The following MTOR variants were observed in gnomAD, a reference collection of about 807,000 sequenced individuals.
The protein encoded by MTOR is serine/threonine-protein kinase mTOR.
Under a neutral mutation model 319.8 loss-of-function variants are expected in MTOR, and 70 were observed. That is an observed-to-expected ratio of 0.22 (90% CI 0.18 to 0.27). The LOEUF (loss-of-function observed/expected upper bound fraction) is 0.27. Ranked by LOEUF, MTOR falls within the 10% of genes least tolerant of loss-of-function variation. The pLI is 1.00. For synonymous variants in MTOR, 1,183 were observed against 1,211.4 expected (o/e 0.98, Z 0.49); for missense variants, 1,890 against 3,274.4 (o/e 0.58, Z 10.32).
At chr1:11,172,998 CT>C (rs540976160) in intron 28 of MTOR, among the ~76,000 whole-genome samples, 242 of 144,418 alleles carry the variant, frequency 1.7e-3, no homozygotes, top group Middle Eastern at 3.5e-3. Flanking sequence ...ACTCTCTTTT[CT>C]TTTTTTTTTT....
intron 19 of MTOR, among the ~76,000 whole-genome samples, chr1:11,225,481 G>A (rs1646803168): frequency 6.7e-6 from 1 of 150,204 alleles, no homozygotes; most frequent in African/African-American, 2.5e-5. Context: ...GAGTGCAATG[G>A]CACAATCTCA....
intron 54 of MTOR, among the ~76,000 whole-genome samples, chr1:11,110,477 A>G (rs1641805258): frequency 6.6e-6 from 1 of 151,490 alleles, no homozygotes; most frequent in Non-Finnish European, 1.5e-5. Flanking sequence ...ATATCGGCTC[A>G]CTGCAACCTC....
In MTOR at chr1:11,204,655, G is replaced by C; in HGVS notation, c.3850C>G (p.Leu1284Val). 6.2e-7 allele frequency: 1 copy of C among 1,614,146 alleles called. No homozygotes were observed. Among genetic ancestry groups the C allele is most frequent in the South Asian group, 1.1e-5 (1 of 91,088 alleles). The change falls in exon 26 of 58, where the codon CTG (leucine) becomes GTG (valine). Residue 1284 changes from leucine to valine, a missense_variant. Leu to Val is a conservative substitution (Grantham distance 32). Coordinates refer to ENST00000361445, the MANE Select transcript of MTOR (RefSeq NM_004958.4). The stretch of plus-strand genomic sequence containing the variant: ...AGCAGCTCCAGGCTCAGCCGTCTCA[G>C]CCATTCCAGCCAGTCATCTTTGGAG... ...RVSKDDWLEWLRRLSLELLKD... is the reference protein window; with the variant it reads ...RVSKDDWLEWVRRLSLELLKD...
chr1:11,159,120 C>T (rs1441866511), intron 29 of MTOR, among the ~76,000 whole-genome samples: 3 of 152,166 alleles, frequency 2.0e-5, no homozygotes, highest in Non-Finnish European at 2.9e-5. Flanking sequence ...TGGCAGATCA[C>T]CTGAATACCA....
At chr1:11,216,076 G>T in intron 20 of MTOR, 72 bp downstream of exon 20, 1 of 1,078,324 alleles carries the variant, frequency 9.3e-7, no homozygotes, top group Non-Finnish European at 1.4e-6. Context: ...AAAAGTCTAT[G>T]TCATTCAAAC....
rs1289893491 is a variant in MTOR, at chr1:11,209,401, T to A, written c.3712A>T (p.Arg1238Trp). 1 of 1,614,076 alleles carries A rather than the reference T, an allele frequency of 6.2e-7. No homozygotes were observed. Among genetic ancestry groups the A allele is most frequent in the African/African-American group, 1.3e-5 (1 of 74,916 alleles). The change falls in exon 25 of 58, where the codon AGG becomes TGG. Residue 1238 changes from arginine (R) to tryptophan (W), a missense_variant. Around this residue, in one of 15 missense-constraint regions of MTOR, gnomAD observed 115 missense variants for 105.7 expected, o/e 1.09. Transcript: ENST00000361445. ...GCCAATGCATCCCCTTGGCCACTCC[T>A]AAGCATCCGATGCTGGTAAATCAAA... is the stretch of plus-strand genomic sequence containing the variant. The part of the protein sequence containing the change: ...DPLIYQHRML[R>W]SGQGDALASG...
chr1:11,115,573 C>T lies in MTOR; in HGVS notation c.7017-105G>A. ...AGCTAGGAGTTGGCAAACGATAGCC[C>T]TCAGCCAATCCAGCCCCTCCACCTC... On this transcript the variant is annotated intron_variant, in intron 50 of 57. Coordinates refer to ENST00000361445, the MANE Select transcript of MTOR (RefSeq NM_004958.4). The surrounding 1 kb of genome is among the most constrained non-coding windows in gnomAD (Gnocchi z 4.5). The T allele has an allele frequency of 9.7e-7, 1 of 1,032,200 alleles. No homozygotes were observed. The highest frequency in any genetic ancestry group is 1.5e-6 in the Non-Finnish European group (1 of 664,706). The allele number at this position is 1,032,200 out of a possible 1,614,324, so 63.9% of individuals were successfully genotyped here. A position where few individuals can be genotyped will look rare whatever the true frequency, so the allele number is the denominator to read the frequency against.
At chr1:11,169,937 T>A (rs1264730387) in intron 28 of MTOR, among the ~76,000 whole-genome samples, 1 of 152,188 alleles carries the variant, frequency 6.6e-6, no homozygotes, top group African/African-American at 2.4e-5. Context: ...CGGTGGAGAC[T>A]TAAGTTAGGA....
intron 10 of MTOR, 48 bp downstream of exon 10, chr1:11,241,505 G>T: frequency 6.4e-7 from 1 of 1,569,312 alleles, no homozygotes; most frequent in Non-Finnish European, 8.7e-7. Context: ...AACACTGGGG[G>T]CCAAGCCTCA....
chr1:11,174,120 G>A (rs896416883), intron 28 of MTOR, among the ~76,000 whole-genome samples: 3 of 152,214 alleles, frequency 2.0e-5, no homozygotes, highest in Non-Finnish European at 4.4e-5. Flanking sequence ...ATGTTACCAC[G>A]GAAAAGTATC....
At chr1:11,117,701 A>G (rs568974433) in intron 49 of MTOR, among the ~76,000 whole-genome samples, 2 of 152,342 alleles carry the variant, frequency 1.3e-5, no homozygotes, top group Non-Finnish European at 2.9e-5. Context: ...AGGGACTTGT[A>G]TTAACACCAT....
intron 36 of MTOR, 65 bp from the exon 37 acceptor site, chr1:11,134,531 A>C: frequency 7.2e-7 from 1 of 1,381,678 alleles, no homozygotes; most frequent in Non-Finnish European, 1.0e-6. Context: ...GAAGGGAGCT[A>C]CCGTTCATCT....
rs2100419207 is a variant in MTOR at position 11,128,887 on chromosome 1, C to T, written c.5779G>A (p.Val1927Met). The T allele has an allele frequency of 1.2e-6, 2 of 1,613,912 alleles. No individual in the cohort carries two copies. Among genetic ancestry groups the T allele is most frequent in the Non-Finnish European group, 1.7e-6 (2 of 1,179,896 alleles). Residue 1927 changes from valine to methionine, a missense_variant, in exon 41 of 58, where the codon GTG (valine) becomes ATG (methionine). Transcript: ENST00000361445. This position sits in a 1 kb window ranked among gnomAD's most constrained non-coding sequence, Gnocchi z 5.3. Reference sequence around the variant, plus strand: ...CAGGTATCAATCTGGATGGCTTTCACCCCCTCCACTAAGGCCTCATTGACA... The same window carrying T: ...CAGGTATCAATCTGGATGGCTTTCATCCCCTCCACTAAGGCCTCATTGACA... ...PDVNEALVEGVKAIQIDTWLQ... is the reference protein window; with the variant it reads ...PDVNEALVEGMKAIQIDTWLQ...
intron 46 of MTOR, 68 bp from the exon 47 acceptor site, chr1:11,124,701 T>C: frequency 6.5e-7 from 1 of 1,534,896 alleles, no homozygotes; most frequent in Non-Finnish European, 8.9e-7. Flanking sequence ...AGAGCACCAC[T>C]GCATTCAAGA....
rs2100285846 is a variant in MTOR, at chr1:11,109,243, G to C, written c.7528+47C>G. On this transcript the variant is annotated intron_variant, in intron 56 of 57. Coordinates refer to ENST00000361445, the MANE Select transcript of MTOR (RefSeq NM_004958.4). This position sits in a 1 kb window ranked among gnomAD's most constrained non-coding sequence, Gnocchi z 4.0. ...CTGACCACCACTCAGAGAGGAAAGTGTGCTCAGATTTTATGTCCCTTTTAA... is the reference window on the plus strand; with the variant it reads ...CTGACCACCACTCAGAGAGGAAAGTCTGCTCAGATTTTATGTCCCTTTTAA... The C allele has an allele frequency of 2.6e-6, 4 of 1,566,300 alleles. No homozygotes were observed. Among genetic ancestry groups the C allele is most frequent in the Non-Finnish European group, 2.6e-6 (3 of 1,140,858 alleles).
intron 25 of MTOR, among the ~76,000 whole-genome samples, chr1:11,206,730 C>CT (rs2100772658): frequency 6.6e-6 from 1 of 152,334 alleles, no homozygotes; most frequent in African/African-American, 2.4e-5. Flanking sequence ...TCTATAACAA[C>CT]TGTGTAAACA....
At chr1:11,150,105 T>TGTGGGGTG (rs769277793) in intron 31 of MTOR, 21 bp downstream of exon 31, 1 of 1,596,954 alleles carries the variant, frequency 6.3e-7, no homozygotes, top group South Asian at 1.1e-5. Context: ...CTTCACAGGG[T>TGTGGGGTG]GCCTGTGAGG....
chr1:11,253,173 T>C (rs758620851), intron 6 of MTOR, among the ~76,000 whole-genome samples: 1 of 152,150 alleles, frequency 6.6e-6, no homozygotes, highest in Non-Finnish European at 1.5e-5. Flanking sequence ...TGTGGTCCGA[T>C]GCTTCTCCCA....
chr1:11,156,675 G>A lies in MTOR; in HGVS notation c.4469+477C>T, dbSNP rs532795052. ...ACGTGGCTGTCTCATCAACCTCACA[G>A]GAAAGGCCTGTTTTCTTGTGTATTT... On this transcript the variant is annotated intron_variant, in intron 30 of 57. Transcript: ENST00000361445. Among the ~76,000 whole-genome samples, 19 of 152,256 alleles carry A rather than the reference G, an allele frequency of 1.2e-4. 1 individual carries two copies. The East Asian group carries it at 3.7e-3, about 29-fold the overall frequency.
Sources: allele counts gnomAD v4.1 joint callset (sites outside exome capture counted in the v4.1 genomes callset), GRCh38; gene constraint gnomAD v4.1.1; regional missense constraint gnomAD v4.1.1; non-coding constraint Gnocchi (gnomAD v3.1); transcripts MANE v1.5; gene names NCBI Gene and HGNC (gene_info 2026-07-23, HGNC 2026-07-21).